The following CUX1 variants were observed in gnomAD, a reference collection of about 807,000 sequenced individuals.
The protein encoded by CUX1 is cut like homeobox 1, also known as protein CASP.
In CUX1, 31 loss-of-function variants were observed where a neutral mutation model predicts 158.8. The ratio of observed to expected loss-of-function variants is 0.20; its 90% CI spans 0.15 to 0.26. The LOEUF (loss-of-function observed/expected upper bound fraction) is 0.26, where lower values mean the gene tolerates loss of function less well. Ranked by LOEUF, CUX1 falls within the 10% of genes least tolerant of loss-of-function variation. The pLI is 1.00. For synonymous variants in CUX1, 879 were observed against 862.1 expected, an observed-to-expected ratio of 1.02 and a Z score of -0.34; for missense variants, 1,589 against 2,014.6, an observed-to-expected ratio of 0.79 and a Z score of 4.04.
Position 102,278,454 on chromosome 7 carries a change from T to C in CUX1, c.1680+389T>C, listed in dbSNP as rs904335240. Among the ~76,000 whole-genome samples, 14 of 151,904 alleles carry C rather than the reference T, an allele frequency of 9.2e-5. 1 individual carries two copies. The highest frequency in any genetic ancestry group is 3.1e-4 in the African/African-American group (13 of 41,440). The stretch of plus-strand genomic sequence containing the variant: ...AAAATACAAAAAAAGTATCCGGGCA[T>C]GGTGGTGCACACCTGTAGTCCCAGC... On this transcript the variant is annotated intron_variant, in intron 18 of 22. Coordinates refer to the CUX1 transcript ENST00000292538.
rs148159774 is a variant in CUX1 at position 102,163,853 on chromosome 7, G to A, written c.723+5245G>A. On this transcript the variant is annotated intron_variant, in intron 9 of 23. Coordinates refer to ENST00000292535, the MANE Select transcript of CUX1 (RefSeq NM_181552.4). ...ACTAGCTCACTGGCATACAACATTC[G>A]TTTTCCCTGGGTGTGTAGTTAGAAT... 1.4e-3 allele frequency among the ~76,000 whole-genome samples: 220 copies of A among 152,288 alleles called. 1 individual carries two copies. Among genetic ancestry groups the A allele is most frequent in the Non-Finnish European group, 2.5e-3 (169 of 68,012 alleles).
intron 10 of CUX1, among the ~76,000 whole-genome samples, chr7:102,173,278 T>A (rs1167618470): frequency 6.6e-6 from 1 of 152,196 alleles, no homozygotes; most frequent in Non-Finnish European, 1.5e-5. Flanking sequence ...GAGAATCGCT[T>A]GAACCTGGGA....
chr7:101,940,787 G>A (rs1045572898), intron 2 of CUX1, among the ~76,000 whole-genome samples: 11 of 152,104 alleles, frequency 7.2e-5, no homozygotes, highest in Non-Finnish European at 1.6e-4. Context: ...TGTGGTGCCC[G>A]TGTTCACTGA....
At chr7:102,108,875 C>G (rs1830630145) in intron 6 of CUX1, among the ~76,000 whole-genome samples, 1 of 151,986 alleles carries the variant, frequency 6.6e-6, no homozygotes, top group East Asian at 1.9e-4. Flanking sequence ...CTGCTTCAGC[C>G]TCCCAAATAG....
chr7:102,200,728 CAAGTATAA>C (rs1428729317), intron 17 of CUX1, among the ~76,000 whole-genome samples: 5 of 150,846 alleles, frequency 3.3e-5, no homozygotes, highest in Admixed American at 3.3e-4. Flanking sequence ...AAATGAATAC[CAAGTATAA>C]AAATTATCAG....
chr7:101,928,440 G>T (rs1378948829), intron 2 of CUX1, among the ~76,000 whole-genome samples: 1 of 146,414 alleles, frequency 6.8e-6, no homozygotes, highest in African/African-American at 2.5e-5. Context: ...GCGCGATCTT[G>T]GCTCACTGCA....
intron 8 of CUX1, among the ~76,000 whole-genome samples, chr7:102,116,778 C>T (rs535675489): frequency 6.6e-6 from 1 of 152,154 alleles, no homozygotes; most frequent in Non-Finnish European, 1.5e-5. Flanking sequence ...CCCCACCTGC[C>T]CTCTGAAGTA....
intron 1 of CUX1, among the ~76,000 whole-genome samples, chr7:101,906,026 A>G (rs1221410505): frequency 3.3e-5 from 5 of 149,396 alleles, no homozygotes; most frequent in Admixed American, 6.7e-5. Flanking sequence ...GGGTGTTACT[A>G]TGTGGCCCAA....
chr7:101,838,521 G>T (rs1411817601), intron 1 of CUX1, among the ~76,000 whole-genome samples: 1 of 151,454 alleles, frequency 6.6e-6, no homozygotes, highest in Non-Finnish European at 1.5e-5. Context: ...CATCTTCAGG[G>T]CCAGGCGCGG....
chr7:102,001,442 C>G (rs1257454970), intron 2 of CUX1, among the ~76,000 whole-genome samples: 1 of 152,170 alleles, frequency 6.6e-6, no homozygotes, highest in Non-Finnish European at 1.5e-5. Context: ...CTCCCAAGTT[C>G]AAGCCATTAT....
chr7:102,123,955 G>A (rs782150044), intron 8 of CUX1, among the ~76,000 whole-genome samples: 2 of 152,050 alleles, frequency 1.3e-5, no homozygotes, highest in Non-Finnish European at 1.5e-5. Context: ...GAGCCACCGC[G>A]CCTGGCCAAT....
intron 4 of CUX1, among the ~76,000 whole-genome samples, chr7:102,079,379 A>G (rs1159621856): frequency 6.6e-6 from 1 of 151,932 alleles, no homozygotes; most frequent in Non-Finnish European, 1.5e-5. Context: ...CGGAGGTGGC[A>G]GTGAGCCTAG....
At chr7:102,062,303 C>T (rs1387368654) in intron 3 of CUX1, among the ~76,000 whole-genome samples, 1 of 152,070 alleles carries the variant, frequency 6.6e-6, no homozygotes, top group Non-Finnish European at 1.5e-5. Context: ...TAGTTGGGAG[C>T]GGCAGCAGCA....
At chr7:102,160,484 C>T (rs534109252) in intron 9 of CUX1, among the ~76,000 whole-genome samples, 35 of 152,248 alleles carry the variant, frequency 2.3e-4, no homozygotes, top group African/African-American at 8.4e-4. Context: ...CAAAGCCACT[C>T]GGTGGACCCC....
intron 2 of CUX1, among the ~76,000 whole-genome samples, chr7:102,012,681 A>G (rs1043200904): frequency 1.5e-5 from 2 of 134,174 alleles, no homozygotes; most frequent in Non-Finnish European, 3.1e-5. Flanking sequence ...TCCCGTGTCC[A>G]CTCTGTGTCC....
chr7:102,175,652 G>A (rs1792234648), intron 10 of CUX1, among the ~76,000 whole-genome samples: 1 of 151,950 alleles, frequency 6.6e-6, no homozygotes, highest in Non-Finnish European at 1.5e-5. Flanking sequence ...TTCCGACAAG[G>A]TCCCGCCAGC....
intron 2 of CUX1, among the ~76,000 whole-genome samples, chr7:101,978,960 G>A (rs1306767369): frequency 6.6e-6 from 1 of 152,232 alleles, no homozygotes; most frequent in Non-Finnish European, 1.5e-5. Context: ...AACATCTGTT[G>A]ATGGGCTGGC....
chr7:102,200,671 T>C (rs546909703), intron 17 of CUX1, among the ~76,000 whole-genome samples: 1 of 151,410 alleles, frequency 6.6e-6, no homozygotes, highest in South Asian at 2.1e-4. Flanking sequence ...GAAATTACGC[T>C]CCTTAACTTT....
chr7:102,086,707 T>G (rs1827990837), intron 4 of CUX1, among the ~76,000 whole-genome samples: 1 of 152,158 alleles, frequency 6.6e-6, no homozygotes, highest in African/African-American at 2.4e-5. Context: ...CCTCCCGGGT[T>G]TATGCAATTC....
Sources: allele counts gnomAD v4.1 joint callset (sites outside exome capture counted in the v4.1 genomes callset), GRCh38; gene constraint gnomAD v4.1.1; transcripts MANE v1.5; gene names NCBI Gene and HGNC (gene_info 2026-07-23, HGNC 2026-07-21).